Variants in WIPF2 observed in about 807,000 individuals in gnomAD.
WIPF2 encodes WAS/WASL interacting protein family member 2.
In WIPF2, 23 loss-of-function variants were observed where a neutral mutation model predicts 38.8. That is an observed-to-expected ratio of 0.59 (90% CI 0.43 to 0.84). The LOEUF is 0.84. Among genes scored for constraint, WIPF2 ranks in the 40% least tolerant of loss-of-function variants. The pLI, the probability that WIPF2 is intolerant of heterozygous loss-of-function variation, is 0.00. For missense variants in WIPF2, 574 were observed against 580.5 expected (o/e 0.99, Z 0.11); for synonymous variants, 210 against 223.2 (o/e 0.94, Z 0.53).
intron 5 of WIPF2, among the ~76,000 whole-genome samples, chr17:40,270,360 C>T (rs1275392364): frequency 2.0e-4 from 28 of 138,914 alleles, no homozygotes; most frequent in African/African-American, 7.3e-4. Context: ...AGCGAGACTC[C>T]GTCTCAAAAA....
chr17:40,251,753 A>G (rs1042841824), intron 1 of WIPF2, among the ~76,000 whole-genome samples: 1 of 152,186 alleles, frequency 6.6e-6, no homozygotes, highest in African/African-American at 2.4e-5. Flanking sequence ...TCTCATGTAC[A>G]TGTAGGCACT....
chr17:40,250,219 G>GTTTTTTTTTTTTTTTT (rs1170849046), intron 1 of WIPF2, among the ~76,000 whole-genome samples: 1 of 62,508 alleles, frequency 1.6e-5, no homozygotes, highest in Non-Finnish European at 3.1e-5. Flanking sequence ...ATTTTATCAT[G>GTTTTTTTTTTTTTTTT]TTTTTTTTTT....
chr17:40,230,385 C>T (rs1269919057), intron 1 of WIPF2, among the ~76,000 whole-genome samples: 1 of 152,008 alleles, frequency 6.6e-6, no homozygotes, highest in Non-Finnish European at 1.5e-5. Context: ...ATTTTGAGGT[C>T]AGCTTCTAAA....
In WIPF2 at chr17:40,278,577, A is replaced by C. The variant is rs2032478188; in HGVS notation, c.*352A>C. 2 of 242,026 alleles carry C rather than the reference A, an allele frequency of 8.3e-6. No homozygotes were observed. Among genetic ancestry groups the C allele is most frequent in the East Asian group, 9.1e-5 (1 of 10,942 alleles). The allele number at this position is 242,026 out of a possible 1,614,324, so 15.0% of individuals were successfully genotyped here. A position where few individuals can be genotyped will look rare whatever the true frequency, so the allele number is the denominator to read the frequency against. The stretch of plus-strand genomic sequence containing the variant: ...CTGTTAGGGCAGGGTGGAGAATGGT[A>C]CTCCTTCCTTCTCCTGTCCACTGTG... On this transcript the variant is annotated 3_prime_UTR_variant, in exon 8 of 8. Transcript: ENST00000323571.
Position 40,273,836 on chromosome 17 carries a change from T to TCC in WIPF2, c.1021_1022dup (p.Pro342LeufsTer38). 6.3e-7 allele frequency: 1 copy of TCC among 1,585,676 alleles called. No individual in the cohort carries two copies. The highest frequency in any genetic ancestry group is 8.6e-7 in the Non-Finnish European group (1 of 1,160,094). The stretch of plus-strand genomic sequence containing the variant: ...TGATCCGAAATGGTGCCAGGGATGC[T>TCC]CCCCCTCCCCCACCACCATACCGAA... On this transcript the variant is annotated frameshift_variant, in exon 6 of 8. Coordinates refer to ENST00000323571, the MANE Select transcript of WIPF2 (RefSeq NM_133264.5). LOFTEE classifies it high-confidence loss of function.
intron 4 of WIPF2, among the ~76,000 whole-genome samples, chr17:40,264,226 G>C (rs909062983): frequency 6.6e-6 from 1 of 150,488 alleles, no homozygotes. Flanking sequence ...CCAGCTACTC[G>C]GGAGGCTGAG....
intron 1 of WIPF2, among the ~76,000 whole-genome samples, chr17:40,239,470 T>G (rs2031104073): frequency 6.6e-6 from 1 of 152,014 alleles, no homozygotes; most frequent in Non-Finnish European, 1.5e-5. Context: ...GGCAGGCTGG[T>G]AAAAGGACTC....
chr17:40,272,217 C>T (rs1474339448), intron 5 of WIPF2, among the ~76,000 whole-genome samples: 2 of 152,046 alleles, frequency 1.3e-5, no homozygotes, highest in Non-Finnish European at 2.9e-5. Flanking sequence ...CTGGGTTTCT[C>T]CATGTTGATC....
At chr17:40,265,551 G>A (rs779335279) in intron 5 of WIPF2, among the ~76,000 whole-genome samples, 1 of 152,136 alleles carries the variant, frequency 6.6e-6, no homozygotes, top group Non-Finnish European at 1.5e-5. Context: ...GAGAACAGCT[G>A]TTGCAGGCAG....
intron 1 of WIPF2, among the ~76,000 whole-genome samples, chr17:40,240,897 A>G (rs1882908110): frequency 6.6e-6 from 1 of 151,094 alleles, no homozygotes. Flanking sequence ...GTGAGCCGAG[A>G]TAGCGCCACT....
intron 1 of WIPF2, among the ~76,000 whole-genome samples, chr17:40,253,325 G>A (rs992051448): frequency 4.7e-4 from 71 of 152,138 alleles, no homozygotes; most frequent in Non-Finnish European, 1.0e-3. Context: ...GCCTCCCAAA[G>A]TGCTGGGATT....
intron 1 of WIPF2, among the ~76,000 whole-genome samples, chr17:40,250,217 A>ATTTTT (rs1567716394): frequency 2.7e-4 from 22 of 80,294 alleles, no homozygotes; most frequent in South Asian, 7.5e-4. Context: ...GAATTTTATC[A>ATTTTT]TGTTTTTTTT....
In WIPF2 at chr17:40,264,693, A is replaced by C; in HGVS notation, c.517A>C (p.Ser173Arg). The part of the protein sequence containing the change: ...NTTSSTGMKH[S>R]SSAPPPPPPG... ...CACCAGCAGTACGGGCATGAAGCACAGCTCCTCTGCCCCTCCCCCACCACC... is the reference window on the plus strand; with the variant it reads ...CACCAGCAGTACGGGCATGAAGCACCGCTCCTCTGCCCCTCCCCCACCACC... The change falls in exon 5 of 8, where the codon AGC becomes CGC. Residue 173 changes from serine to arginine, a missense_variant. Physicochemically the swap from Ser to Arg is moderately radical, Grantham distance 110. Coordinates refer to ENST00000323571, the MANE Select transcript of WIPF2 (RefSeq NM_133264.5). 6.2e-7 allele frequency: 1 copy of C among 1,613,188 alleles called. No homozygotes were observed. Among genetic ancestry groups the C allele is most frequent in the Non-Finnish European group, 8.5e-7 (1 of 1,179,550 alleles).
chr17:40,268,107 C>T (rs2032146312), intron 5 of WIPF2, among the ~76,000 whole-genome samples: 1 of 152,056 alleles, frequency 6.6e-6, no homozygotes, highest in Admixed American at 6.6e-5. Context: ...GTATTAGTGC[C>T]ACTGCACTTC....
chr17:40,274,557 G>GAAAAAAAAAAAAAAAAAAAAAAAAA (rs571085371), intron 6 of WIPF2, among the ~76,000 whole-genome samples: 3 of 24,780 alleles, frequency 1.2e-4, no homozygotes, highest in African/African-American at 1.5e-4. Context: ...TGGAATTCTT[G>GAAAAAAAAAAAAAAAAAAAAAAAAA]AAAAAAAAAA....
chr17:40,264,112 C>A (rs1307454613), intron 4 of WIPF2, among the ~76,000 whole-genome samples: 2 of 151,778 alleles, frequency 1.3e-5, no homozygotes, highest in African/African-American at 4.8e-5. Context: ...GTGGGCAGAT[C>A]ACCTGAGGTT....
chr17:40,263,922 C>T (rs1198989019), intron 4 of WIPF2, among the ~76,000 whole-genome samples: 2 of 151,972 alleles, frequency 1.3e-5, no homozygotes, highest in East Asian at 3.8e-4. Context: ...AATCATTCCA[C>T]AACGTATACA....
intron 1 of WIPF2, among the ~76,000 whole-genome samples, chr17:40,232,508 G>C (rs561787283): frequency 6.6e-6 from 1 of 150,612 alleles, no homozygotes; most frequent in Non-Finnish European, 1.5e-5. Context: ...TTGTATTTTT[G>C]TAGATGCTTT....
chr17:40,278,678 G>T lies in WIPF2; in HGVS notation c.*453G>T, dbSNP rs557416998. ...ACCAGGACTTATGGGTGGGAGGGGA[G>T]CATTTTTAGTGAAGCAAGAAAGGAG... On this transcript the variant is annotated 3_prime_UTR_variant, in exon 8 of 8. Transcript: ENST00000323571. 95 of 156,470 alleles carry T rather than the reference G, an allele frequency of 6.1e-4. No homozygotes were observed. The highest frequency in any genetic ancestry group is 1.2e-3 in the Non-Finnish European group (87 of 70,680). The allele number at this position is 156,470 out of a possible 1,614,324, so 9.7% of individuals were successfully genotyped here.
Sources: gnomAD v4.1 joint callset for allele counts (sites outside exome capture counted in the v4.1 genomes callset) on GRCh38, gnomAD v4.1.1 for gene constraint, MANE v1.5 for transcripts, NCBI Gene and HGNC (gene_info 2026-07-23, HGNC 2026-07-21) for gene names.